The following MT1B variants were observed in gnomAD, a reference collection of about 807,000 sequenced individuals.
MT1B encodes the protein metallothionein-1B.
A neutral mutation model predicts 7.9 loss-of-function variants in MT1B; 4 were observed. The ratio of observed to expected loss-of-function variants is 0.51; its 90% CI spans 0.25 to 1.16. The LOEUF (loss-of-function observed/expected upper bound fraction) is 1.16. Among genes scored for constraint, MT1B ranks in the 50% most tolerant of loss-of-function variants. The pLI, the probability that MT1B is intolerant of heterozygous loss-of-function variation, is 0.15. For missense variants in MT1B, 76 were observed against 75.2 expected, an observed-to-expected ratio of 1.01 and a Z score of -0.04; for synonymous variants, 22 against 27.6, an observed-to-expected ratio of 0.80 and a Z score of 0.63.
In MT1B at chr16:56,652,014, C is replaced by T. The variant is rs754969417; in HGVS notation, c.28+33C>T. ...ACGCCTGGCTCTGGGCCTTGAGATG[C>T]CCATTCCCGGCCACTGTACACAGTG... is the stretch of plus-strand genomic sequence containing the variant. On this transcript the variant is annotated intron_variant, in intron 1 of 2. Coordinates refer to ENST00000334346, the MANE Select transcript of MT1B (RefSeq NM_005947.3). 32 of 1,613,498 alleles carry T rather than the reference C, an allele frequency of 2.0e-5. No individual in the cohort carries two copies. In the Admixed American group the frequency reaches 4.0e-4, roughly 20 times the overall value.
chr16:56,653,152 A>G lies in MT1B; in HGVS notation c.*87A>G, dbSNP rs192242124. 88 of 1,272,416 alleles carry G rather than the reference A, an allele frequency of 6.9e-5. No individual in the cohort carries two copies. The highest frequency in any genetic ancestry group is 2.0e-4 in the Admixed American group (10 of 50,936). 78.8% of individuals were successfully genotyped at this position (1,272,416 alleles called of 1,614,324 possible). A position where few individuals can be genotyped will look rare whatever the true frequency, so the allele number is the denominator to read the frequency against. ...TTTTAACTACCCTGACCGGTTTGCT[A>G]CATTCTTTTTTCTATTCAATATGTG... On this transcript the variant is annotated 3_prime_UTR_variant, in exon 3 of 3. Coordinates refer to ENST00000334346, the MANE Select transcript of MT1B (RefSeq NM_005947.3).
At chr16:56,652,375 G>A (rs1960565057) in intron 1 of MT1B, among the ~76,000 whole-genome samples, 196 bp from the exon 2 acceptor site, 1 of 152,146 alleles carries the variant, frequency 6.6e-6, no homozygotes, top group Admixed American at 6.5e-5. Flanking sequence ...CTTCCTGATG[G>A]GGTATATAAA....
chr16:56,652,930 T>C (rs1960573450), intron 2 of MT1B, 44 bp from the exon 3 acceptor site: 1 of 1,598,850 alleles, frequency 6.3e-7, no homozygotes, highest in Non-Finnish European at 8.6e-7. Context: ...GAGAGGTTCC[T>C]GGTCAAGTCA....
intron 2 of MT1B, 140 bp downstream of exon 2, chr16:56,652,776 T>C: frequency 8.0e-7 from 1 of 1,251,148 alleles, no homozygotes; most frequent in South Asian, 1.2e-5. Flanking sequence ...CCAGGCTTTC[T>C]GCTCTGAGCT....
At chr16:56,652,853 G>C in intron 2 of MT1B, 121 bp from the exon 3 acceptor site, 1 of 1,261,040 alleles carries the variant, frequency 7.9e-7, no homozygotes, top group Non-Finnish European at 1.2e-6. Flanking sequence ...GAACACAGCT[G>C]TGCCAGCCTA....
rs149279319 is a variant in MT1B at position 56,652,004 on chromosome 16, C to A, written c.28+23C>A. The stretch of plus-strand genomic sequence containing the variant: ...CAGGTAAGGGACGCCTGGCTCTGGG[C>A]CTTGAGATGCCCATTCCCGGCCACT... On this transcript the variant is annotated intron_variant, in intron 1 of 2. Transcript: ENST00000334346. 8.9e-3 allele frequency: 14,388 copies of A among 1,614,056 alleles called. 114 individuals are homozygous for A. The highest frequency in any genetic ancestry group is 0.024 in the South Asian group (2,202 of 91,080).
In MT1B at chr16:56,653,047, G is replaced by A; in HGVS notation, c.168G>A (p.Lys56=). 6.2e-7 allele frequency: 1 copy of A among 1,613,982 alleles called. No homozygotes were observed. The highest frequency in any genetic ancestry group is 1.7e-5 in the Admixed American group (1 of 60,022). ...QGCVCKGSSE[K]CRCCA Reference sequence around the variant, plus strand: ...GTGTCTGCAAAGGCTCATCAGAGAAGTGCCGCTGCTGTGCCTGATGTTGGG... The same window carrying A: ...GTGTCTGCAAAGGCTCATCAGAGAAATGCCGCTGCTGTGCCTGATGTTGGG... Residue 56 remains lysine, a synonymous_variant, in exon 3 of 3, where the codon AAG becomes AAA. Transcript: ENST00000334346.
Position 56,653,076 on chromosome 16 carries a change from G to A in MT1B, c.*11G>A. ...CGCTGCTGTGCCTGATGTTGGGAGAGCCCTGCTCCCAGACATAAATAGAGC... is the reference window on the plus strand; with the variant it reads ...CGCTGCTGTGCCTGATGTTGGGAGAACCCTGCTCCCAGACATAAATAGAGC... On this transcript the variant is annotated 3_prime_UTR_variant, in exon 3 of 3. Transcript: ENST00000334346. 1.2e-6 allele frequency: 2 copies of A among 1,613,508 alleles called. No individual in the cohort carries two copies. Among genetic ancestry groups the A allele is most frequent in the Non-Finnish European group, 1.7e-6 (2 of 1,179,598 alleles).
Position 56,652,990 on chromosome 16 carries a change from C to T in MT1B, c.111C>T (p.Cys37=), listed in dbSNP as rs772601783. 1 of 1,613,340 alleles carries T rather than the reference C, an allele frequency of 6.2e-7. No homozygotes were observed. The highest frequency in any genetic ancestry group is 1.7e-5 in the Admixed American group (1 of 60,026). Residue 37 remains cysteine (C), a synonymous_variant, in exon 3 of 3, where the codon TGC becomes TGT. Coordinates refer to ENST00000334346, the MANE Select transcript of MT1B (RefSeq NM_005947.3). ...TSCKKCCCSC[C]PVGCAKCAQG... Reference sequence around the variant, plus strand: ...CTTCCCCAGGCTGCTGCTCTTGCTGCCCCGTGGGCTGTGCCAAGTGTGCCC... The same window carrying T: ...CTTCCCCAGGCTGCTGCTCTTGCTGTCCCGTGGGCTGTGCCAAGTGTGCCC...
chr16:56,652,704 C>G lies in MT1B; in HGVS notation c.94+68C>G, dbSNP rs939492531. 4 of 1,577,550 alleles carry G rather than the reference C, an allele frequency of 2.5e-6. No homozygotes were observed. The African/African-American group carries it at 5.4e-5, about 21-fold the overall frequency. On this transcript the variant is annotated intron_variant, in intron 2 of 2. Coordinates refer to ENST00000334346, the MANE Select transcript of MT1B (RefSeq NM_005947.3). ...GCTTGGAAGGGAACACAAGGCTGGC[C>G]CTGAGTGCATGCTTTTGGGAACTGG...
In MT1B at chr16:56,652,464, C is replaced by G. The variant is rs1310434813; in HGVS notation, c.29-107C>G. 4 of 1,096,510 alleles carry G rather than the reference C, an allele frequency of 3.6e-6. No homozygotes were observed. The East Asian group carries it at 9.6e-5, about 26-fold the overall frequency. 67.9% of individuals were successfully genotyped at this position (1,096,510 alleles called of 1,614,324 possible). A position where few individuals can be genotyped will look rare whatever the true frequency, so the allele number is the denominator to read the frequency against. On this transcript the variant is annotated intron_variant, in intron 1 of 2. Transcript: ENST00000334346. Reference sequence around the variant, plus strand: ...CTCCGCTCTGAGTGGGAAAGGAGCTCTGATGGCTGGCCCTGCACAGAGGAT... The same window carrying G: ...CTCCGCTCTGAGTGGGAAAGGAGCTGTGATGGCTGGCCCTGCACAGAGGAT...
chr16:56,652,207 C>G (rs1160838101), intron 1 of MT1B, among the ~76,000 whole-genome samples: 3 of 152,246 alleles, frequency 2.0e-5, no homozygotes, highest in Admixed American at 2.0e-4. Flanking sequence ...CCATGTCACC[C>G]ACCTAGTCAG....
Position 56,653,139 on chromosome 16 carries a change from T to C in MT1B, c.*74T>C, listed in dbSNP as rs1356863551. 2.2e-6 allele frequency: 3 copies of C among 1,389,482 alleles called. No individual in the cohort carries two copies. In the East Asian group the frequency reaches 6.9e-5, roughly 32 times the overall value. The allele number at this position is 1,389,482 out of a possible 1,614,324, so 86.1% of individuals were successfully genotyped here. On this transcript the variant is annotated 3_prime_UTR_variant, in exon 3 of 3. Coordinates refer to ENST00000334346, the MANE Select transcript of MT1B (RefSeq NM_005947.3). ...CCTGGATTTTTTTTTTTAACTACCC[T>C]GACCGGTTTGCTACATTCTTTTTTC...
chr16:56,652,544 C>CCCA (rs1307746507), intron 1 of MT1B, 27 bp from the exon 2 acceptor site: 1 of 1,610,790 alleles, frequency 6.2e-7, no homozygotes, highest in Non-Finnish European at 8.5e-7. Flanking sequence ...TTACTCACTG[C>CCCA]CCACTGCCTT....
chr16:56,652,900 C>A, intron 2 of MT1B, 74 bp from the exon 3 acceptor site: 1 of 1,524,742 alleles, frequency 6.6e-7, no homozygotes, highest in Non-Finnish European at 9.1e-7. Flanking sequence ...TGAACTTCAG[C>A]CAGGCTTGCT....
intron 1 of MT1B, 149 bp downstream of exon 1, chr16:56,652,130 T>C (rs2144332513): frequency 1.1e-6 from 1 of 903,952 alleles, no homozygotes; most frequent in Non-Finnish European, 1.7e-6. Flanking sequence ...CAAGCTCCTG[T>C]GAGCATCTCC....
chr16:56,652,778 C>T lies in MT1B; in HGVS notation c.94+142C>T, dbSNP rs1960571342. 2.4e-6 allele frequency: 3 copies of T among 1,249,564 alleles called. No homozygotes were observed. The South Asian group carries it at 3.7e-5, about 15-fold the overall frequency. The allele number at this position is 1,249,564 out of a possible 1,614,324, so 77.4% of individuals were successfully genotyped here. On this transcript the variant is annotated intron_variant, in intron 2 of 2. Transcript: ENST00000334346. ...TGTCATTCCCTCTCCAGGCTTTCTG[C>T]TCTGAGCTCAGATGGGTCAGGGCAG... is the stretch of plus-strand genomic sequence containing the variant.
intron 2 of MT1B, 100 bp from the exon 3 acceptor site, chr16:56,652,874 C>A: frequency 7.2e-7 from 1 of 1,380,880 alleles, no homozygotes; most frequent in Non-Finnish European, 1.0e-6. Context: ...AAAATGCATC[C>A]TCTGGGTGTG....
rs77377595 is a variant in MT1B, at chr16:56,653,005, C to T, written c.126C>T (p.Ala42=). 6.1e-5 allele frequency: 98 copies of T among 1,613,410 alleles called. No homozygotes were observed. In the Admixed American group the frequency reaches 1.6e-3, roughly 27 times the overall value. Residue 42 remains alanine, a synonymous_variant, in exon 3 of 3, where the codon GCC becomes GCT. Transcript: ENST00000334346. ...CCCSCCPVGC[A]KCAQGCVCKG... The stretch of plus-strand genomic sequence containing the variant: ...GCTCTTGCTGCCCCGTGGGCTGTGC[C>T]AAGTGTGCCCAGGGCTGTGTCTGCA...
Sources: allele counts gnomAD v4.1 joint callset (sites outside exome capture counted in the v4.1 genomes callset), GRCh38; gene constraint gnomAD v4.1.1; transcripts MANE v1.5; gene names NCBI Gene and HGNC (gene_info 2026-07-23, HGNC 2026-07-21).